Variants in CEP170 observed in about 807,000 individuals in gnomAD.
The protein encoded by CEP170 is centrosomal protein of 170 kDa.
CEP170 carries 21 observed loss-of-function variants against 151.9 expected under a neutral mutation model. The observed-to-expected ratio is 0.14, with a 90% confidence interval of 0.10 to 0.20. CEP170 has a LOEUF of 0.20. Among genes scored for constraint, CEP170 ranks in the 10% least tolerant of loss-of-function variants. CEP170 has a pLI of 1.00. For synonymous variants in CEP170, 356 were observed against 648.8 expected, an observed-to-expected ratio of 0.55 and a Z score of 6.86; for missense variants, 964 against 1,892.9, an observed-to-expected ratio of 0.51 and a Z score of 9.11.
intron 1 of CEP170, among the ~76,000 whole-genome samples, chr1:243,253,850 C>A (rs956529527): frequency 1.3e-5 from 2 of 152,158 alleles, no homozygotes; most frequent in African/African-American, 4.8e-5. Flanking sequence ...TCAAATGTAT[C>A]ATCTGCTTCG....
intron 1 of CEP170, among the ~76,000 whole-genome samples, chr1:243,231,671 C>A (rs566533921): frequency 2.0e-5 from 3 of 151,568 alleles, no homozygotes; most frequent in African/African-American, 7.3e-5. Context: ...AAGGTAACCA[C>A]TAAGAAAATA....
intron 14 of CEP170, among the ~76,000 whole-genome samples, chr1:243,142,895 A>C (rs1054492642): frequency 2.6e-5 from 4 of 152,208 alleles, no homozygotes; most frequent in African/African-American, 9.6e-5. Flanking sequence ...CAGGCAACAA[A>C]TCACAGTGGT....
chr1:243,137,930 A>G (rs2055325729), intron 16 of CEP170, among the ~76,000 whole-genome samples: 1 of 152,188 alleles, frequency 6.6e-6, no homozygotes, highest in Non-Finnish European at 1.5e-5. Flanking sequence ...GTTGTGAAAA[A>G]TAACATTGTC....
chr1:243,187,844 T>C (rs1338921481), intron 8 of CEP170, among the ~76,000 whole-genome samples: 1 of 152,156 alleles, frequency 6.6e-6, no homozygotes, highest in African/African-American at 2.4e-5. Context: ...AAGGGTCATG[T>C]CTTGGAAAAG....
At chr1:243,159,710 G>T (rs928101726) in intron 13 of CEP170, among the ~76,000 whole-genome samples, 1 of 149,454 alleles carries the variant, frequency 6.7e-6, no homozygotes, top group Non-Finnish European at 1.5e-5. Context: ...AGTTCAAAAC[G>T]AATTCTCTGT....
intron 4 of CEP170, among the ~76,000 whole-genome samples, chr1:243,209,696 T>C (rs2061652227): frequency 1.3e-5 from 2 of 152,042 alleles, no homozygotes; most frequent in African/African-American, 4.8e-5. Flanking sequence ...TTTTTTTTTT[T>C]TGAGACGGAG....
At chr1:243,153,545 C>A (rs2789253) in intron 14 of CEP170, among the ~76,000 whole-genome samples, 10 of 151,988 alleles carry the variant, frequency 6.6e-5, no homozygotes, top group Middle Eastern at 3.5e-3. Flanking sequence ...TGAATAAGTC[C>A]ACAGTCATCA....
intron 4 of CEP170, among the ~76,000 whole-genome samples, chr1:243,201,896 C>T (rs2061063114): frequency 1.3e-5 from 2 of 152,218 alleles, no homozygotes; most frequent in South Asian, 4.1e-4. Context: ...ATCTACATTG[C>T]TTTTTCCTAT....
chr1:243,143,929 A>G (rs920012622), intron 14 of CEP170, among the ~76,000 whole-genome samples: 5 of 152,216 alleles, frequency 3.3e-5, no homozygotes, highest in Non-Finnish European at 7.3e-5. Flanking sequence ...TAATTACATA[A>G]AAATTTAGAT....
chr1:243,235,626 T>C (rs2064182993), intron 1 of CEP170, among the ~76,000 whole-genome samples: 1 of 150,782 alleles, frequency 6.6e-6, no homozygotes, highest in African/African-American at 2.4e-5. Flanking sequence ...TTAAAGCAAA[T>C]AGGTTTAAAG....
intron 17 of CEP170, among the ~76,000 whole-genome samples, chr1:243,133,326 A>G (rs942256919): frequency 2.6e-4 from 40 of 152,380 alleles, no homozygotes; most frequent in African/African-American, 8.7e-4. Flanking sequence ...TAGACAAATA[A>G]CATACAGTCA....
At chr1:243,205,535 T>C (rs1296176596) in intron 4 of CEP170, among the ~76,000 whole-genome samples, 2 of 152,210 alleles carry the variant, frequency 1.3e-5, no homozygotes, top group Admixed American at 1.3e-4. Flanking sequence ...ATGAGTTTAC[T>C]GACCCCCCAC....
intron 10 of CEP170, among the ~76,000 whole-genome samples, chr1:243,173,701 A>T (rs1018807364): frequency 2.6e-5 from 4 of 150,994 alleles, no homozygotes; most frequent in Non-Finnish European, 5.9e-5. Flanking sequence ...ACGCCACTGC[A>T]TTCCAGCCTG....
intron 1 of CEP170, among the ~76,000 whole-genome samples, chr1:243,244,856 C>A (rs2065216662): frequency 6.6e-6 from 1 of 151,838 alleles, no homozygotes; most frequent in South Asian, 2.1e-4. Context: ...AATTAACACA[C>A]TTGTATGTAA....
intron 3 of CEP170, among the ~76,000 whole-genome samples, chr1:243,216,439 G>A (rs1402488625): frequency 1.4e-5 from 2 of 138,110 alleles, no homozygotes; most frequent in African/African-American, 2.7e-5. Flanking sequence ...CAACCTATAA[G>A]TGAGAACATC....
At chr1:243,231,184 CATCATCATTATT>C (rs1003739983) in intron 1 of CEP170, among the ~76,000 whole-genome samples, 39 of 129,758 alleles carry the variant, frequency 3.0e-4, no homozygotes, top group African/African-American at 8.9e-4. Flanking sequence ...TCATCATCAT[CATCATCATTATT>C]ATTATTATTA....
chr1:243,219,289 A>AAACTTC (rs1472502338), intron 3 of CEP170, among the ~76,000 whole-genome samples: 1 of 152,242 alleles, frequency 6.6e-6, no homozygotes, highest in Non-Finnish European at 1.5e-5. Context: ...TTGCTTTCAT[A>AAACTTC]AACTTCAACT....
Position 243,221,750 on chromosome 1 carries a change from C to A in CEP170, c.169G>T (p.Val57Leu). ...NYDASTDEHL[V>L]KDLGSLNGTF... ...CCATTGAGGCTGCCCAAATCCTTCA[C>A]TAAATGCTCATCCGTAGACGCATCA... Residue 57 changes from valine to leucine, a missense_variant, in exon 3 of 20, where the codon GTG becomes TTG. Physicochemically the swap from Val to Leu is conservative, Grantham distance 32 (BLOSUM62 1). Transcript: ENST00000366542. 1.9e-6 allele frequency: 3 copies of A among 1,612,566 alleles called. No individual in the cohort carries two copies. The highest frequency in any genetic ancestry group is 2.5e-6 in the Non-Finnish European group (3 of 1,179,306).
chr1:243,251,464 ACT>A (rs1474170164), intron 1 of CEP170, among the ~76,000 whole-genome samples: 3 of 152,158 alleles, frequency 2.0e-5, no homozygotes, highest in Non-Finnish European at 4.4e-5. Flanking sequence ...TTATTCACTA[ACT>A]CTATGCTTCA....
Sources: gnomAD v4.1 joint callset for allele counts (sites outside exome capture counted in the v4.1 genomes callset) on GRCh38, gnomAD v4.1.1 for gene constraint, MANE v1.5 for transcripts, NCBI Gene and HGNC (gene_info 2026-07-23, HGNC 2026-07-21) for gene names.